RBMS3: variants seen among roughly 807,000 people sequenced by gnomAD.
The protein encoded by RBMS3 is RNA binding motif single stranded interacting protein 3, also known as RNA-binding motif, single-stranded-interacting protein 3.
In RBMS3, 27 loss-of-function variants were observed where a neutral mutation model predicts 66.8. The ratio of observed to expected loss-of-function variants is 0.40; its 90% CI spans 0.30 to 0.56. The LOEUF (loss-of-function observed/expected upper bound fraction) is 0.56, where lower values mean the gene tolerates loss of function less well. Among genes scored for constraint, RBMS3 ranks in the 20% least tolerant of loss-of-function variants. The probability of loss-of-function intolerance (pLI) is 0.40; values close to 1 mark genes in which losing one functional copy is unlikely to be tolerated. For missense variants in RBMS3, 513 were observed against 549.5 expected (o/e 0.93, Z 0.66); for synonymous variants, 188 against 183.0 (o/e 1.03, Z -0.22).
intron 13 of RBMS3, among the ~76,000 whole-genome samples, chr3:29,988,840 G>A (rs752009256): frequency 6.6e-5 from 10 of 152,196 alleles, no homozygotes; most frequent in Non-Finnish European, 1.3e-4. Context: ...TACTGCATCT[G>A]AATTTGCATT....
At chr3:29,517,615 G>A (rs1394645077) in intron 3 of RBMS3, among the ~76,000 whole-genome samples, 4 of 152,086 alleles carry the variant, frequency 2.6e-5, no homozygotes, top group Non-Finnish European at 5.9e-5. Flanking sequence ...GAGCCACCGC[G>A]CCCGGCCCTA....
intron 2 of RBMS3, among the ~76,000 whole-genome samples, chr3:29,477,449 G>T (rs2042984512): frequency 8.3e-6 from 1 of 120,794 alleles, no homozygotes; most frequent in Non-Finnish European, 1.7e-5. Flanking sequence ...TAGGGTCAGG[G>T]ATATAACAAA....
In RBMS3 at chr3:29,867,314, C is replaced by G. The variant is rs1245671426; in HGVS notation, c.638-1544C>G. On this transcript the variant is annotated intron_variant, in intron 6 of 14. Transcript: ENST00000383767. Reference sequence around the variant, plus strand: ...CTATTAAGACAATAATGCCACATATCAATTGTAACATCTTAGTGGCATGAA... The same window carrying G: ...CTATTAAGACAATAATGCCACATATGAATTGTAACATCTTAGTGGCATGAA... 2.0e-5 allele frequency among the ~76,000 whole-genome samples: 3 copies of G among 151,716 alleles called. No homozygotes were observed. In the East Asian group the frequency reaches 5.8e-4, roughly 29 times the overall value.
rs565457404 is a variant in RBMS3, at chr3:29,823,033, T to A, written c.638-45825T>A. 3.9e-5 allele frequency among the ~76,000 whole-genome samples: 6 copies of A among 152,302 alleles called. No homozygotes were observed. The South Asian group carries it at 1.2e-3, about 32-fold the overall frequency. Reference sequence around the variant, plus strand: ...CTCACTTTTTCTAGCATTGAGGAGATAATGAATATTTACATTTTTAAATTC... The same window carrying A: ...CTCACTTTTTCTAGCATTGAGGAGAAAATGAATATTTACATTTTTAAATTC... On this transcript the variant is annotated intron_variant, in intron 6 of 14. Coordinates refer to ENST00000383767, the MANE Select transcript of RBMS3 (RefSeq NM_001003793.3).
chr3:29,749,127 A>G (rs1402304370), intron 5 of RBMS3, among the ~76,000 whole-genome samples: 1 of 152,246 alleles, frequency 6.6e-6, no homozygotes, highest in African/African-American at 2.4e-5. Context: ...ATGTATTCCA[A>G]AATGAAAAAG....
intron 1 of RBMS3, among the ~76,000 whole-genome samples, chr3:29,403,028 T>C (rs1015016092): frequency 2.6e-5 from 4 of 151,678 alleles, no homozygotes; most frequent in Non-Finnish European, 5.9e-5. Flanking sequence ...TATAAGACGA[T>C]CATAGAATGA....
intron 10 of RBMS3, among the ~76,000 whole-genome samples, chr3:29,903,663 C>G (rs1163397896): frequency 1.3e-5 from 2 of 151,910 alleles, no homozygotes; most frequent in Non-Finnish European, 2.9e-5. Flanking sequence ...CTTTCTTAAA[C>G]TTTATTTAAG....
intron 12 of RBMS3, among the ~76,000 whole-genome samples, chr3:29,944,600 T>A (rs1022474668): frequency 6.6e-6 from 1 of 151,714 alleles, no homozygotes. Context: ...AATAATTTTA[T>A]GTATAGCAAA....
chr3:29,970,022 A>G lies in RBMS3; in HGVS notation c.1099-18121A>G, dbSNP rs140043789. Among the ~76,000 whole-genome samples, 454 of 152,282 alleles carry G rather than the reference A, an allele frequency of 3.0e-3. 2 individuals carry two copies. Among genetic ancestry groups the G allele is most frequent in the African/African-American group, 0.01 (434 of 41,550 alleles). Reference sequence around the variant, plus strand: ...TCAAACCTACATATTTTTATTTTCTATAAGTGTGTATGAAATTCATTAAAG... The same window carrying G: ...TCAAACCTACATATTTTTATTTTCTGTAAGTGTGTATGAAATTCATTAAAG... On this transcript the variant is annotated intron_variant, in intron 12 of 14. Transcript: ENST00000383767.
At chr3:29,940,991 T>A (rs2061381851) in intron 11 of RBMS3, among the ~76,000 whole-genome samples, 1 of 151,888 alleles carries the variant, frequency 6.6e-6, no homozygotes, top group African/African-American at 2.4e-5. Context: ...TGCATGACAA[T>A]CTTGTTTTAC....
At chr3:29,340,832 T>C (rs1389738577) in intron 1 of RBMS3, among the ~76,000 whole-genome samples, 1 of 152,122 alleles carries the variant, frequency 6.6e-6, no homozygotes, top group Non-Finnish European at 1.5e-5. Context: ...TAAAGTACAT[T>C]TTATATTTTC....
At chr3:29,546,588 A>G (rs1218714593) in intron 3 of RBMS3, among the ~76,000 whole-genome samples, 2 of 152,240 alleles carry the variant, frequency 1.3e-5, no homozygotes, top group Non-Finnish European at 2.9e-5. Flanking sequence ...ACAGTTCTGG[A>G]AGAAAAAATT....
chr3:29,699,508 T>G (rs1241128566), intron 4 of RBMS3, among the ~76,000 whole-genome samples: 2 of 105,176 alleles, frequency 1.9e-5, no homozygotes, highest in Admixed American at 9.2e-5. Context: ...GAAAATCAAC[T>G]ATAATTTTAC....
intron 12 of RBMS3, among the ~76,000 whole-genome samples, chr3:29,953,025 A>G (rs1695784141): frequency 6.6e-6 from 1 of 151,964 alleles, no homozygotes. Flanking sequence ...AACATAGTTA[A>G]GTTCATTAGC....
chr3:29,666,781 G>C (rs9850247), intron 4 of RBMS3, among the ~76,000 whole-genome samples: 1 of 151,954 alleles, frequency 6.6e-6, no homozygotes, highest in Non-Finnish European at 1.5e-5. Context: ...AAAAATAACT[G>C]GTTACTTTGT....
At chr3:29,434,571 G>A (rs537064164) in intron 1 of RBMS3, among the ~76,000 whole-genome samples, 172 bp from the exon 2 acceptor site, 6 of 152,248 alleles carry the variant, frequency 3.9e-5, no homozygotes, top group African/African-American at 1.2e-4. Flanking sequence ...GAGGGCCAGG[G>A]CGGGGGACGA....
chr3:29,999,103 A>G (rs1699444575), intron 14 of RBMS3, among the ~76,000 whole-genome samples: 3 of 151,900 alleles, frequency 2.0e-5, no homozygotes, highest in East Asian at 1.9e-4. Context: ...GTGGGCAAAG[A>G]ATATGATCAG....
intron 2 of RBMS3, among the ~76,000 whole-genome samples, chr3:29,473,872 C>T (rs2042853862): frequency 6.6e-6 from 1 of 152,256 alleles, no homozygotes; most frequent in Non-Finnish European, 1.5e-5. Context: ...CCGGTTCCCG[C>T]TCGCGCCTCT....
At chr3:29,389,074 AAT>A (rs1416201146) in intron 1 of RBMS3, among the ~76,000 whole-genome samples, 3 of 152,222 alleles carry the variant, frequency 2.0e-5, no homozygotes, top group Non-Finnish European at 4.4e-5. Flanking sequence ...CCTTAGGAAA[AAT>A]AGTGAAGACA....
Sources: allele counts gnomAD v4.1 joint callset (sites outside exome capture counted in the v4.1 genomes callset), GRCh38; gene constraint gnomAD v4.1.1; transcripts MANE v1.5; gene names NCBI Gene and HGNC (gene_info 2026-07-23, HGNC 2026-07-21).